The following GNG7 variants were observed in gnomAD, a reference collection of about 807,000 sequenced individuals.
GNG7 encodes the protein G protein subunit gamma 7.
In GNG7, 1 loss-of-function variant was observed where a neutral mutation model predicts 4.0. The ratio of observed to expected loss-of-function variants is 0.25; its 90% confidence interval spans 0.09 to 1.18. The LOEUF (loss-of-function observed/expected upper bound fraction) is 1.18, where lower values mean the gene tolerates loss of function less well. GNG7 is among the 50% of genes most tolerant of loss of function. GNG7 has a pLI of 0.50. For missense variants in GNG7, 86 were observed against 91.9 expected (o/e 0.94, Z 0.26); for synonymous variants, 34 against 36.9 (o/e 0.92, Z 0.29).
intron 1 of GNG7, among the ~76,000 whole-genome samples, chr19:2,661,272 A>AG (rs1226544423): frequency 7.3e-4 from 34 of 46,476 alleles, no homozygotes; most frequent in African/African-American, 1.2e-3. Flanking sequence ...AAAGAAAGAA[A>AG]AGAAAGAAAG....
At chr19:2,642,730 G>C (rs1040418590) in intron 2 of GNG7, 5 of 451,036 alleles carry the variant, frequency 1.1e-5, no homozygotes, top group African/African-American at 2.0e-5. Flanking sequence ...CTGGGCTCAA[G>C]CCATCCTCCT....
chr19:2,688,609 G>A (rs1033885690), intron 1 of GNG7, among the ~76,000 whole-genome samples: 1 of 152,114 alleles, frequency 6.6e-6, no homozygotes, highest in Non-Finnish European at 1.5e-5. Context: ...GACCGTCCAG[G>A]TCACGAGAGG....
chr19:2,697,792 C>T (rs530205398), intron 1 of GNG7, among the ~76,000 whole-genome samples: 17 of 151,026 alleles, frequency 1.1e-4, no homozygotes, highest in East Asian at 5.9e-4. Flanking sequence ...CCCGTCCCCC[C>T]CCCCGCCCGT....
chr19:2,643,974 ATAT>A (rs1413291656), intron 2 of GNG7: 2 of 206,818 alleles, frequency 9.7e-6, no homozygotes. Flanking sequence ...TCATAAATAA[ATAT>A]TATACATATA....
intron 2 of GNG7, among the ~76,000 whole-genome samples, chr19:2,592,222 A>G (rs1002745967): frequency 6.6e-6 from 1 of 152,210 alleles, no homozygotes; most frequent in African/African-American, 2.4e-5. Context: ...ATCCATACAC[A>G]AGAACGCGCT....
intron 2 of GNG7, among the ~76,000 whole-genome samples, chr19:2,556,756 C>T (rs1468720923): frequency 6.6e-6 from 1 of 152,164 alleles, no homozygotes; most frequent in South Asian, 2.1e-4. Context: ...AAGCCAGGGT[C>T]TCTCCTCCCA....
chr19:2,606,862 T>C (rs978006823), intron 2 of GNG7, among the ~76,000 whole-genome samples: 83 of 151,552 alleles, frequency 5.5e-4, no homozygotes, highest in African/African-American at 1.9e-3. Context: ...TGGAACTAGA[T>C]AGATAGTGCT....
In GNG7 at chr19:2,618,342, G is replaced by GGTGTGTGTGT. The variant is rs35982775; in HGVS notation, c.-78+27872_-78+27881dup. Among the ~76,000 whole-genome samples, 1,626 of 146,476 alleles carry GGTGTGTGTGT rather than the reference G, an allele frequency of 0.011. 16 individuals carry two copies. The highest frequency in any genetic ancestry group is 0.023 in the African/African-American group (908 of 39,944). ...TTCTCTTTTCTACCTGTATGTGTGT[G>GGTGTGTGTGT]GTGTGTGTGTGTGTGTGTGTGTGTG... is the stretch of plus-strand genomic sequence containing the variant. On this transcript the variant is annotated intron_variant, in intron 2 of 4. Coordinates refer to ENST00000382159, the MANE Select transcript of GNG7 (RefSeq NM_052847.3). The surrounding 1 kb of genome is among the most constrained non-coding windows in gnomAD (Gnocchi z 5.1).
intron 3 of GNG7, among the ~76,000 whole-genome samples, chr19:2,534,931 G>A (rs1252491008): frequency 6.6e-6 from 1 of 152,200 alleles, no homozygotes; most frequent in Admixed American, 6.5e-5. Context: ...CCACATTGGG[G>A]AGGGGGAGGA....
At chr19:2,596,152 A>C (rs1277148009) in intron 2 of GNG7, among the ~76,000 whole-genome samples, 1 of 152,156 alleles carries the variant, frequency 6.6e-6, no homozygotes, top group Non-Finnish European at 1.5e-5. Flanking sequence ...TGAGGTCAGG[A>C]GTTTGGGACC....
At chr19:2,588,542 C>T (rs546437059) in intron 2 of GNG7, among the ~76,000 whole-genome samples, 66 of 152,200 alleles carry the variant, frequency 4.3e-4, no homozygotes, top group Non-Finnish European at 9.0e-4. Context: ...CCCAGGGCGG[C>T]GGCAGCTGGA....
intron 2 of GNG7, among the ~76,000 whole-genome samples, chr19:2,578,501 C>T (rs937345622): frequency 4.6e-5 from 7 of 152,228 alleles, no homozygotes; most frequent in African/African-American, 1.4e-4. Context: ...AGAGACTGCC[C>T]GTCCTGCAGG....
At chr19:2,545,704 A>G (rs1393269350) in intron 3 of GNG7, among the ~76,000 whole-genome samples, 2 of 149,800 alleles carry the variant, frequency 1.3e-5, no homozygotes, top group Non-Finnish European at 3.0e-5. Context: ...CTGTAATACC[A>G]GCACTTTGGG....
chr19:2,574,641 G>T (rs969970641), intron 2 of GNG7, among the ~76,000 whole-genome samples: 9 of 152,302 alleles, frequency 5.9e-5, no homozygotes, highest in African/African-American at 2.2e-4. Flanking sequence ...CGCCTGGGGT[G>T]GCTTCCACCC....
chr19:2,569,739 C>T (rs1980089062), intron 2 of GNG7, among the ~76,000 whole-genome samples: 1 of 152,162 alleles, frequency 6.6e-6, no homozygotes. Context: ...GGCTTCCACT[C>T]ACTCCATGCC....
chr19:2,560,781 A>AC (rs1285791945), intron 2 of GNG7, among the ~76,000 whole-genome samples: 3 of 151,834 alleles, frequency 2.0e-5, no homozygotes, highest in Non-Finnish European at 2.9e-5. Flanking sequence ...ACATGGGTAG[A>AC]CCCCGTCTCT....
intron 1 of GNG7, among the ~76,000 whole-genome samples, chr19:2,652,267 G>A (rs765057138): frequency 6.6e-6 from 1 of 152,242 alleles, no homozygotes; most frequent in East Asian, 1.9e-4. Context: ...CAGACGCTGA[G>A]AGAGAAAAAC....
chr19:2,553,610 ATAC>A (rs1262667064), intron 3 of GNG7, among the ~76,000 whole-genome samples: 1 of 146,818 alleles, frequency 6.8e-6, no homozygotes, highest in East Asian at 1.9e-4. Context: ...GCAATATATC[ATAC>A]TACATACATG....
intron 2 of GNG7, among the ~76,000 whole-genome samples, chr19:2,566,908 G>T (rs557832033): frequency 3.3e-5 from 5 of 152,174 alleles, no homozygotes; most frequent in African/African-American, 1.2e-4. Flanking sequence ...TTCGAGACCA[G>T]CCTGACCAAC....
Sources: gnomAD v4.1 joint callset for allele counts (sites outside exome capture counted in the v4.1 genomes callset) on GRCh38, gnomAD v4.1.1 for gene constraint, Gnocchi (gnomAD v3.1) non-coding constraint, MANE v1.5 for transcripts, NCBI Gene and HGNC (gene_info 2026-07-23, HGNC 2026-07-21) for gene names.